LRRC3B: variants seen among roughly 807,000 people sequenced by gnomAD.
LRRC3B encodes the protein leucine-rich repeat-containing protein 3B.
LRRC3B carries 2 observed loss-of-function variants against 12.8 expected under a neutral mutation model. That is an observed-to-expected ratio of 0.16 (90% CI 0.06 to 0.49). The LOEUF is 0.49. Among genes scored for constraint, LRRC3B ranks in the 20% least tolerant of loss-of-function variants. LRRC3B has a pLI of 0.96. For missense variants in LRRC3B, 189 were observed against 319.4 expected, an observed-to-expected ratio of 0.59 and a Z score of 3.11; for synonymous variants, 132 against 122.0, an observed-to-expected ratio of 1.08 and a Z score of -0.54.
At chr3:26,647,023 C>A (rs571011596) in intron 1 of LRRC3B, among the ~76,000 whole-genome samples, 1 of 152,112 alleles carries the variant, frequency 6.6e-6, no homozygotes, top group East Asian at 1.9e-4. Flanking sequence ...TCTTTCCATC[C>A]GCTCCCTCAG....
At chr3:26,690,674 C>A (rs1321368974) in intron 1 of LRRC3B, among the ~76,000 whole-genome samples, 1 of 151,790 alleles carries the variant, frequency 6.6e-6, no homozygotes, top group Non-Finnish European at 1.5e-5. Context: ...TTCTGATTTT[C>A]TTTTTTGTTC....
intron 1 of LRRC3B, among the ~76,000 whole-genome samples, chr3:26,636,912 T>C (rs970366415): frequency 0.013 from 1,286 of 98,882 alleles, 143 homozygotes; most frequent in East Asian, 0.054. Context: ...CTTTCTCTCT[T>C]TCTCTCTTTC....
chr3:26,689,692 A>AC (rs1377137413), intron 1 of LRRC3B, among the ~76,000 whole-genome samples: 1 of 151,998 alleles, frequency 6.6e-6, no homozygotes, highest in African/African-American at 2.4e-5. Context: ...AGAGTGGCCC[A>AC]CCCCCAGGAC....
chr3:26,624,342 TTCAC>T (rs1698573439), intron 1 of LRRC3B: 3 of 152,794 alleles, frequency 2.0e-5, no homozygotes, highest in Admixed American at 1.3e-4. Flanking sequence ...TCTACGCTCC[TTCAC>T]CTCTGCAGCC....
At chr3:26,681,335 A>T (rs1186188528) in intron 1 of LRRC3B, among the ~76,000 whole-genome samples, 1 of 152,206 alleles carries the variant, frequency 6.6e-6, no homozygotes, top group Non-Finnish European at 1.5e-5. Context: ...AACTAAGGCT[A>T]AATTAAATAT....
chr3:26,627,920 A>G (rs188045023), intron 1 of LRRC3B, among the ~76,000 whole-genome samples: 44 of 152,286 alleles, frequency 2.9e-4, no homozygotes, highest in African/African-American at 1.0e-3. Context: ...TAAGTGTGAC[A>G]ATATCCAAAA....
intron 1 of LRRC3B, among the ~76,000 whole-genome samples, chr3:26,655,559 T>C (rs1266048615): frequency 1.3e-5 from 2 of 152,340 alleles, no homozygotes; most frequent in Non-Finnish European, 2.9e-5. Context: ...AAGACAAATA[T>C]TCTTTTTTCC....
intron 1 of LRRC3B, among the ~76,000 whole-genome samples, chr3:26,703,320 T>A (rs1559373497): frequency 6.7e-6 from 1 of 150,188 alleles, no homozygotes; most frequent in Non-Finnish European, 1.5e-5. Context: ...ACTTCAGGTT[T>A]TGTGAAAATA....
At chr3:26,668,288 G>A (rs762415564) in intron 1 of LRRC3B, among the ~76,000 whole-genome samples, 22 of 152,116 alleles carry the variant, frequency 1.4e-4, no homozygotes, top group South Asian at 1.2e-3. Flanking sequence ...GCCGTTAACA[G>A]AGCCAGAGCT....
At chr3:26,678,075 C>T (rs538406816) in intron 1 of LRRC3B, among the ~76,000 whole-genome samples, 1 of 152,194 alleles carries the variant, frequency 6.6e-6, no homozygotes, top group African/African-American at 2.4e-5. Context: ...CCTTGGCCTC[C>T]CAAAGTGCTC....
chr3:26,697,858 G>A (rs1196890780), intron 1 of LRRC3B, among the ~76,000 whole-genome samples: 1 of 152,090 alleles, frequency 6.6e-6, no homozygotes, highest in African/African-American at 2.4e-5. Flanking sequence ...GTACATAGAA[G>A]GTGCCCACAA....
rs181495943 is a variant in LRRC3B at position 26,705,481 on chromosome 3, T to C, written c.-160-4032T>C. ...TGCTGTTTAACTTGGTCCGTCCCTTTAATGGGTCTTATTCCCTATCAGAAA... is the reference window on the plus strand; with the variant it reads ...TGCTGTTTAACTTGGTCCGTCCCTTCAATGGGTCTTATTCCCTATCAGAAA... On this transcript the variant is annotated intron_variant, in intron 1 of 1. Coordinates refer to ENST00000396641, the Ensembl canonical transcript of LRRC3B. 4.2e-3 allele frequency among the ~76,000 whole-genome samples: 635 copies of C among 152,080 alleles called. 1 individual carries two copies. The highest frequency in any genetic ancestry group is 5.0e-3 in the Non-Finnish European group (341 of 67,972).
At chr3:26,705,879 A>C (rs1217225549) in intron 1 of LRRC3B, among the ~76,000 whole-genome samples, 1 of 152,136 alleles carries the variant, frequency 6.6e-6, no homozygotes, top group African/African-American at 2.4e-5. Flanking sequence ...CCCTTTGGAA[A>C]CTATAGAACC....
intron 1 of LRRC3B, among the ~76,000 whole-genome samples, chr3:26,641,310 G>A (rs148626934): frequency 1.3e-5 from 2 of 152,306 alleles, no homozygotes; most frequent in East Asian, 1.9e-4. Flanking sequence ...AGGAAACTGG[G>A]GGTGGAGACC....
intron 1 of LRRC3B, among the ~76,000 whole-genome samples, chr3:26,704,169 A>T (rs1559373799): frequency 2.0e-5 from 3 of 151,982 alleles, no homozygotes. Context: ...TTGCATATTT[A>T]TCTTCTTTAA....
At chr3:26,681,059 G>T (rs1027686616) in intron 1 of LRRC3B, among the ~76,000 whole-genome samples, 3 of 152,132 alleles carry the variant, frequency 2.0e-5, no homozygotes, top group African/African-American at 7.2e-5. Flanking sequence ...TCTGGAGTAG[G>T]CTTTTTAAAA....
chr3:26,681,723 A>T lies in LRRC3B; in HGVS notation c.-160-27790A>T, dbSNP rs577471029. On this transcript the variant is annotated intron_variant, in intron 1 of 1. Coordinates refer to ENST00000396641, the Ensembl canonical transcript of LRRC3B. ...TTATCACTATATTATCATTAATGTC[A>T]ATCACTGTCAGGCACTAGAGTAGCA... Among the ~76,000 whole-genome samples, 3 of 152,350 alleles carry T rather than the reference A, an allele frequency of 2.0e-5. No individual in the cohort carries two copies. In the South Asian group the frequency reaches 6.2e-4, roughly 32 times the overall value.
chr3:26,704,387 A>G (rs1336658625), intron 1 of LRRC3B, among the ~76,000 whole-genome samples: 1 of 152,162 alleles, frequency 6.6e-6, no homozygotes, highest in Admixed American at 6.6e-5. Context: ...TAACATGTTT[A>G]TTGACACTAA....
At chr3:26,657,480 T>C (rs1251278793) in intron 1 of LRRC3B, among the ~76,000 whole-genome samples, 2 of 152,216 alleles carry the variant, frequency 1.3e-5, no homozygotes, top group Non-Finnish European at 2.9e-5. Context: ...AACATGGAAC[T>C]CTTACAACTC....
Sources: allele counts gnomAD v4.1 joint callset (sites outside exome capture counted in the v4.1 genomes callset), GRCh38; gene constraint gnomAD v4.1.1; transcripts MANE v1.5; gene names NCBI Gene and HGNC (gene_info 2026-07-23, HGNC 2026-07-21).